CDH23: variants seen among roughly 807,000 people sequenced by gnomAD.
CDH23 encodes cadherin-23.
CDH23 carries 189 observed loss-of-function variants against 317.1 expected under a neutral mutation model. That is an observed-to-expected ratio of 0.60 (90% confidence interval 0.53 to 0.67). CDH23 has a LOEUF of 0.67. Ranked by LOEUF, CDH23 falls within the 30% of genes least tolerant of loss-of-function variation. CDH23 has a pLI of 0.00. For missense variants in CDH23, 4,401 were observed against 4,592.4 expected (o/e 0.96, Z 1.20); for synonymous variants, 1,839 against 1,876.8 (o/e 0.98, Z 0.52).
At chr10:71,674,757 G>C (rs539419461) in intron 14 of CDH23, among the ~76,000 whole-genome samples, 1 of 152,208 alleles carries the variant, frequency 6.6e-6, no homozygotes, top group Non-Finnish European at 1.5e-5. Flanking sequence ...AGCCTGCACT[G>C]TGGATTAGAA....
chr10:71,684,453 G>C (rs971325766), intron 18 of CDH23, among the ~76,000 whole-genome samples: 1 of 151,492 alleles, frequency 6.6e-6, no homozygotes, highest in Non-Finnish European at 1.5e-5. Context: ...GAGACACCAA[G>C]TGGAAAGAGG....
intron 6 of CDH23, among the ~76,000 whole-genome samples, chr10:71,559,573 TAC>T (rs990114070): frequency 2.0e-5 from 3 of 152,090 alleles, no homozygotes; most frequent in African/African-American, 7.2e-5. Flanking sequence ...AAAAAGCCAG[TAC>T]ACAGCTGGAA....
chr10:71,682,286 A>G (rs1171343890), intron 17 of CDH23, among the ~76,000 whole-genome samples, 159 bp from the exon 18 acceptor site: 2 of 152,194 alleles, frequency 1.3e-5, no homozygotes, highest in Non-Finnish European at 2.9e-5. Context: ...GCAGTCAGGA[A>G]ACCTCAGTCG....
chr10:71,426,326 T>C (rs926009002), intron 1 of CDH23, among the ~76,000 whole-genome samples: 1 of 152,222 alleles, frequency 6.6e-6, no homozygotes, highest in Admixed American at 6.5e-5. Context: ...CTAAGGGCCA[T>C]CCTGTGAGAG....
chr10:71,805,771 G>T (rs1376438273), intron 55 of CDH23, 35 bp from the exon 56 acceptor site: 3 of 1,578,090 alleles, frequency 1.9e-6, no homozygotes, highest in Non-Finnish European at 2.6e-6. Context: ...ATTCTTTCAG[G>T]GGTCCAGGAG....
intron 1 of CDH23, among the ~76,000 whole-genome samples, chr10:71,433,444 T>G (rs1316163791): frequency 6.6e-6 from 1 of 152,198 alleles, no homozygotes; most frequent in Non-Finnish European, 1.5e-5. Context: ...ACTGATTCTC[T>G]GTCCAGTTGC....
intron 2 of CDH23, 61 bp downstream of exon 2, chr10:71,439,959 G>A: frequency 3.0e-6 from 4 of 1,332,234 alleles, no homozygotes; most frequent in Non-Finnish European, 4.2e-6. Flanking sequence ...GGCCAGGCTG[G>A]AGGGTGTTGG....
chr10:71,709,161 G>A lies in CDH23; in HGVS notation c.3170G>A (p.Gly1057Asp). 8.1e-6 allele frequency: 13 copies of A among 1,613,978 alleles called. No individual in the cohort carries two copies. Among genetic ancestry groups the A allele is most frequent in the Non-Finnish European group, 1.1e-5 (13 of 1,179,902 alleles). ...GATGCCGTTGTGAGAACCGTGGTGG[G>A]CCTGGACCGGGAGACCACAGCCGCC... The part of the protein sequence containing the change: ...YRDAVVRTVV[G>D]LDRETTAAYM... Residue 1057 changes from glycine (G) to aspartate (D), a missense_variant, in exon 27 of 70, where the codon GGC becomes GAC. By Grantham distance (94) the Gly-to-Asp change is moderately conservative. This residue lies in a region of CDH23 where 3,068 missense variants were observed against 3,203.3 expected (regional missense o/e 0.96). Transcript: ENST00000224721.
At chr10:71,500,488 T>C (rs1268814253) in intron 3 of CDH23, among the ~76,000 whole-genome samples, 1 of 152,150 alleles carries the variant, frequency 6.6e-6, no homozygotes, top group African/African-American at 2.4e-5. Flanking sequence ...TAGCAATAAG[T>C]AGACTGAGGA....
At chr10:71,426,133 G>A (rs1017060686) in intron 1 of CDH23, among the ~76,000 whole-genome samples, 27 of 152,268 alleles carry the variant, frequency 1.8e-4, no homozygotes, top group African/African-American at 6.0e-4. Flanking sequence ...TTGAACAGGC[G>A]GACACTAGGA....
rs577487292 is a variant in CDH23 at position 71,609,821 on chromosome 10, C to T, written c.833-5683C>T. ...TCTTGTCTCTTGCCTTACCTTCCCCCACCAGTCCCCATGGTAGGCCACCTC... is the reference window on the plus strand; with the variant it reads ...TCTTGTCTCTTGCCTTACCTTCCCCTACCAGTCCCCATGGTAGGCCACCTC... On this transcript the variant is annotated intron_variant, in intron 9 of 69. Coordinates refer to ENST00000224721, the MANE Select transcript of CDH23 (RefSeq NM_022124.6). Among the ~76,000 whole-genome samples the T allele has an allele frequency of 4.6e-5, 7 of 152,360 alleles. No individual in the cohort carries two copies. In the South Asian group the frequency reaches 1.4e-3, roughly 32 times the overall value.
intron 29 of CDH23, 150 bp from the exon 30 acceptor site, chr10:71,725,222 C>T: frequency 6.9e-7 from 1 of 1,454,330 alleles, no homozygotes; most frequent in Non-Finnish European, 9.7e-7. Context: ...CTCCAGCTTC[C>T]TCTCCACTGT....
At chr10:71,670,161 G>T (rs1371932806) in intron 14 of CDH23, among the ~76,000 whole-genome samples, 1 of 152,214 alleles carries the variant, frequency 6.6e-6, no homozygotes, top group African/African-American at 2.4e-5. Flanking sequence ...CTCGGCAGGG[G>T]CCAGGGTGTT....
chr10:71,581,023 G>A (rs984138226), intron 9 of CDH23, among the ~76,000 whole-genome samples: 1 of 152,166 alleles, frequency 6.6e-6, no homozygotes, highest in African/African-American at 2.4e-5. Context: ...CAGTGTAGAC[G>A]TGGCTGAAAA....
chr10:71,682,251 C>T (rs778074946), intron 17 of CDH23, among the ~76,000 whole-genome samples, 194 bp from the exon 18 acceptor site: 1 of 152,206 alleles, frequency 6.6e-6, no homozygotes, highest in Non-Finnish European at 1.5e-5. Flanking sequence ...CTGGTGGGCG[C>T]AGCACAGGGT....
chr10:71,724,675 G>A (rs1398959544), intron 29 of CDH23, among the ~76,000 whole-genome samples: 1 of 152,204 alleles, frequency 6.6e-6, no homozygotes, highest in Non-Finnish European at 1.5e-5. Flanking sequence ...CCCTGACAGA[G>A]AGGGCCCAGA....
chr10:71,751,872 A>T lies in CDH23; in HGVS notation c.4845+9951A>T, dbSNP rs746051994. The T allele has an allele frequency of 6.5e-7, 1 of 1,539,502 alleles. No homozygotes were observed. The highest frequency in any genetic ancestry group is 2.3e-5 in the East Asian group (1 of 43,464). On this transcript the variant is annotated intron_variant, in intron 38 of 69. Transcript: ENST00000224721. The surrounding 1 kb of genome is among the most constrained non-coding windows in gnomAD (Gnocchi z 4.9). ...ATCCCTTGAATGTTGCTGCCACAGA[A>T]CCAGAATGGAAGGTCATCTGTGCTG...
chr10:71,645,754 C>G, intron 12 of CDH23, 77 bp from the exon 13 acceptor site: 1 of 1,530,164 alleles, frequency 6.5e-7, no homozygotes, highest in South Asian at 1.1e-5. Flanking sequence ...TCTCCAGGAG[C>G]CTCTGCTCCT....
chr10:71,802,535 T>C (rs1011445894), intron 53 of CDH23, among the ~76,000 whole-genome samples: 3 of 152,108 alleles, frequency 2.0e-5, no homozygotes, highest in African/African-American at 7.2e-5. Context: ...GGGATAGAGA[T>C]TAGAGCCAGA....
Sources: gnomAD v4.1 joint callset for allele counts (sites outside exome capture counted in the v4.1 genomes callset) on GRCh38, gnomAD v4.1.1 for gene constraint, gnomAD v4.1.1 regional missense constraint, Gnocchi (gnomAD v3.1) non-coding constraint, MANE v1.5 for transcripts, NCBI Gene and HGNC (gene_info 2026-07-23, HGNC 2026-07-21) for gene names.